MAP7: variants seen among roughly 807,000 people sequenced by gnomAD.
The protein encoded by MAP7 is ensconsin.
A neutral mutation model predicts 94.8 loss-of-function variants in MAP7; 52 were observed. The observed-to-expected ratio is 0.55, with a 90% CI of 0.44 to 0.69. The LOEUF (loss-of-function observed/expected upper bound fraction) is 0.69. Among genes scored for constraint, MAP7 ranks in the 30% least tolerant of loss-of-function variants. The pLI is 0.00. For synonymous variants in MAP7, 350 were observed against 357.0 expected (o/e 0.98, Z 0.22); for missense variants, 940 against 964.6 (o/e 0.97, Z 0.34).
At chr6:136,505,181 C>T (rs1297334176) in intron 1 of MAP7, among the ~76,000 whole-genome samples, 6 of 147,372 alleles carry the variant, frequency 4.1e-5, no homozygotes, top group East Asian at 4.0e-4. Flanking sequence ...AAGCTGAGTT[C>T]GCAAGCCATA....
intron 5 of MAP7, among the ~76,000 whole-genome samples, chr6:136,385,166 G>T (rs1181431559): frequency 6.6e-6 from 1 of 152,036 alleles, no homozygotes; most frequent in Admixed American, 6.5e-5. Context: ...GTGTATTTTT[G>T]ACTACTATTT....
intron 6 of MAP7, among the ~76,000 whole-genome samples, chr6:136,379,388 T>A (rs1438010009): frequency 1.3e-5 from 2 of 152,120 alleles, no homozygotes; most frequent in Non-Finnish European, 2.9e-5. Flanking sequence ...CATGGTTAAA[T>A]TAAATATTAT....
chr6:136,484,283 G>C (rs1015417409), intron 1 of MAP7, among the ~76,000 whole-genome samples: 1 of 152,052 alleles, frequency 6.6e-6, no homozygotes, highest in Non-Finnish European at 1.5e-5. Context: ...TAAAATAAAA[G>C]CTAACTAAAC....
At chr6:136,420,280 T>C in intron 2 of MAP7, 1 of 878,392 alleles carries the variant, frequency 1.1e-6, no homozygotes, top group East Asian at 2.4e-5. Context: ...GAGCCGGCCA[T>C]GCTTCCAGAG....
At chr6:136,357,703 G>C (rs1376432457) in intron 15 of MAP7, among the ~76,000 whole-genome samples, 2 of 152,076 alleles carry the variant, frequency 1.3e-5, no homozygotes, top group Non-Finnish European at 2.9e-5. Context: ...TTGCTATGTT[G>C]CCCAGTCTTG....
At chr6:136,418,428 T>G (rs952818577) in intron 2 of MAP7, among the ~76,000 whole-genome samples, 7 of 152,220 alleles carry the variant, frequency 4.6e-5, no homozygotes, top group African/African-American at 1.7e-4. Context: ...TTGGCCAGGT[T>G]GGTCTCGAAC....
chr6:136,516,593 A>T (rs1490679330), intron 1 of MAP7, among the ~76,000 whole-genome samples: 1 of 152,164 alleles, frequency 6.6e-6, no homozygotes, highest in East Asian at 1.9e-4. Flanking sequence ...TCACCAGGAC[A>T]CAGATCCGCT....
At chr6:136,532,560 T>C (rs1396026023) in intron 1 of MAP7, among the ~76,000 whole-genome samples, 1 of 152,120 alleles carries the variant, frequency 6.6e-6, no homozygotes, top group Non-Finnish European at 1.5e-5. Flanking sequence ...ACATTGAAGA[T>C]AGCTGTGCAC....
At chr6:136,381,139 G>A (rs1345870725) in intron 6 of MAP7, among the ~76,000 whole-genome samples, 1 of 152,112 alleles carries the variant, frequency 6.6e-6, no homozygotes, top group African/African-American at 2.4e-5. Context: ...AAAATAGCAG[G>A]AAAGAACTAA....
At chr6:136,546,218 AC>A (rs1408832264) in intron 1 of MAP7, among the ~76,000 whole-genome samples, 1 of 151,524 alleles carries the variant, frequency 6.6e-6, no homozygotes, top group African/African-American at 2.4e-5. Flanking sequence ...TTACCACGTA[AC>A]CCAGGCTAGT....
At chr6:136,518,667 T>C (rs1357587594) in intron 1 of MAP7, among the ~76,000 whole-genome samples, 1 of 152,224 alleles carries the variant, frequency 6.6e-6, no homozygotes, top group Non-Finnish European at 1.5e-5. Flanking sequence ...CTTAAGTTTC[T>C]GCTAAATGAA....
intron 1 of MAP7, among the ~76,000 whole-genome samples, chr6:136,496,777 TAAAAAAAAAAAAA>T (rs1171059105): frequency 1.5e-4 from 8 of 53,300 alleles, no homozygotes; most frequent in African/African-American, 5.2e-4. Context: ...CCGTCTCTAC[TAAAAAAAAAAAAA>T]AAAAAAAAAA....
At chr6:136,416,451 G>A (rs867503045) in intron 2 of MAP7, among the ~76,000 whole-genome samples, 18 of 151,954 alleles carry the variant, frequency 1.2e-4, no homozygotes, top group African/African-American at 2.4e-4. Flanking sequence ...CTTCTTTCTC[G>A]TTTCCACCCC....
intron 1 of MAP7, among the ~76,000 whole-genome samples, chr6:136,523,762 A>G (rs1827075847): frequency 6.6e-6 from 1 of 152,148 alleles, no homozygotes; most frequent in Non-Finnish European, 1.5e-5. Flanking sequence ...AGAAAGAAAA[A>G]TGGTAGGGGG....
chr6:136,458,469 T>C (rs946739726), intron 1 of MAP7, among the ~76,000 whole-genome samples: 2 of 152,002 alleles, frequency 1.3e-5, no homozygotes, highest in Admixed American at 6.6e-5. Flanking sequence ...AATAGTCAAA[T>C]GATCAGGAGA....
At chr6:136,546,894 C>T (rs528495286) in intron 1 of MAP7, among the ~76,000 whole-genome samples, 1 of 152,270 alleles carries the variant, frequency 6.6e-6, no homozygotes, top group East Asian at 1.9e-4. Flanking sequence ...AAATATTTCA[C>T]ACAAGCCTAT....
chr6:136,410,648 G>A (rs1217545923), intron 3 of MAP7, among the ~76,000 whole-genome samples: 1 of 152,192 alleles, frequency 6.6e-6, no homozygotes, highest in African/African-American at 2.4e-5. Flanking sequence ...TATGGCAAGG[G>A]ACAGAAACAA....
intron 1 of MAP7, among the ~76,000 whole-genome samples, chr6:136,523,727 C>T (rs1827065796): frequency 6.6e-6 from 1 of 152,088 alleles, no homozygotes; most frequent in Admixed American, 6.6e-5. Flanking sequence ...CTACCCTTGC[C>T]CTTCCCACCA....
chr6:136,346,073 G>A lies in MAP7; in HGVS notation c.2022C>T (p.Pro674=), dbSNP rs775133731. The A allele has an allele frequency of 7.3e-5, 117 of 1,601,696 alleles. No individual in the cohort carries two copies. The highest frequency in any genetic ancestry group is 9.4e-5 in the Non-Finnish European group (110 of 1,170,076). ...HQSKVTVEST[P]DLEKQPNENG... ...TTTCATTTGGTTGTTTTTCCAAATCGGGAGTGCTAAGGAATTTGAAAAATA... is the reference window on the plus strand; with the variant it reads ...TTTCATTTGGTTGTTTTTCCAAATCAGGAGTGCTAAGGAATTTGAAAAATA... Residue 674 remains proline, a synonymous_variant, in exon 17 of 18, where the codon CCC becomes CCT. Transcript: ENST00000354570.
Sources: allele counts gnomAD v4.1 joint callset (sites outside exome capture counted in the v4.1 genomes callset), GRCh38; gene constraint gnomAD v4.1.1; transcripts MANE v1.5; gene names NCBI Gene and HGNC (gene_info 2026-07-23, HGNC 2026-07-21).